The following GPBP1L1 variants were observed in gnomAD, a reference collection of about 807,000 sequenced individuals.
GPBP1L1 encodes vasculin-like protein 1.
In GPBP1L1, 23 loss-of-function variants were observed where a neutral mutation model predicts 52.5. That is an observed-to-expected ratio of 0.44 (90% CI 0.32 to 0.62). The LOEUF is 0.62. Among genes scored for constraint, GPBP1L1 ranks in the 20% least tolerant of loss-of-function variants. GPBP1L1 has a pLI of 0.06. For synonymous variants in GPBP1L1, 243 were observed against 203.1 expected, an observed-to-expected ratio of 1.20 and a Z score of -1.67; for missense variants, 596 against 579.3, an observed-to-expected ratio of 1.03 and a Z score of -0.30.
chr1:45,687,602 A>G (rs1160116081), upstream of GPBP1L1: 1 of 152,294 alleles, frequency 6.6e-6, no homozygotes, highest in Non-Finnish European at 1.5e-5. Context: ...CCAAGGTCAC[A>G]TAGCCGAGAA....
At chr1:45,663,028 G>A (rs1466266895) in intron 2 of GPBP1L1, among the ~76,000 whole-genome samples, 1 of 129,754 alleles carries the variant, frequency 7.7e-6, no homozygotes, top group Non-Finnish European at 1.6e-5. Context: ...TCCAGCCTGG[G>A]TGACAGAGCC....
At position 45,670,299 on chromosome 1, in the gene GPBP1L1, C is replaced by CTT. The variant is rs531749161; in HGVS notation, c.-1097-9076_-1097-9075dup. ...GATACCTATTCTTTTTACCATTCTT[C>CTT]TTTTGGTTGTTGATCTTATTAATGC... On this transcript the variant is annotated intron_variant, in intron 2 of 12. Transcript: ENST00000355105. Among the ~76,000 whole-genome samples, 487 of 152,302 alleles carry CTT rather than the reference C, an allele frequency of 3.2e-3. 4 individuals are homozygous for CTT. The highest frequency in any genetic ancestry group is 0.011 in the African/African-American group (461 of 41,568).
chr1:45,653,006 A>C (rs1644837424), intron 6 of GPBP1L1, among the ~76,000 whole-genome samples: 1 of 152,244 alleles, frequency 6.6e-6, no homozygotes, highest in African/African-American at 2.4e-5. Flanking sequence ...TATCTAGAAC[A>C]TTCTGGACAA....
chr1:45,646,256 T>C, intron 6 of GPBP1L1: 1 of 223,616 alleles, frequency 4.5e-6, no homozygotes, highest in Non-Finnish European at 8.9e-6. Flanking sequence ...CACATTGATG[T>C]TTGTCTGTGA....
At chr1:45,670,126 T>A (rs767163279) in intron 2 of GPBP1L1, among the ~76,000 whole-genome samples, 8 of 152,252 alleles carry the variant, frequency 5.3e-5, no homozygotes, top group Non-Finnish European at 8.8e-5. Flanking sequence ...AGCAGCATTT[T>A]AAGCGTTCCA....
chr1:45,671,060 C>T (rs1188380688), intron 2 of GPBP1L1, among the ~76,000 whole-genome samples: 3 of 152,090 alleles, frequency 2.0e-5, no homozygotes, highest in Non-Finnish European at 4.4e-5. Context: ...TCCCAAAGTG[C>T]TGGGATTACA....
chr1:45,669,927 C>T (rs1330119932), intron 2 of GPBP1L1, among the ~76,000 whole-genome samples: 2 of 152,186 alleles, frequency 1.3e-5, no homozygotes, highest in East Asian at 3.8e-4. Flanking sequence ...CACTAGTTAT[C>T]AATCTATCTT....
At chr1:45,684,015 T>G (rs942702184) in intron 2 of GPBP1L1, among the ~76,000 whole-genome samples, 1 of 151,640 alleles carries the variant, frequency 6.6e-6, no homozygotes, top group East Asian at 1.9e-4. Flanking sequence ...CCCAGCACTT[T>G]GGGAGGCCAA....
chr1:45,634,312 A>T (rs1272964916), intron 8 of GPBP1L1, 76 bp from the exon 9 acceptor site: 3 of 1,416,440 alleles, frequency 2.1e-6, no homozygotes, highest in African/African-American at 1.4e-5. Context: ...CATAAAGCAA[A>T]GAGTGAAATG....
intron 7 of GPBP1L1, among the ~76,000 whole-genome samples, chr1:45,641,017 AAAAACAAAAAC>A (rs1644664806): frequency 6.6e-6 from 1 of 152,124 alleles, no homozygotes; most frequent in Admixed American, 6.5e-5. Flanking sequence ...CCTAACTCAA[AAAAACAAAAAC>A]AAAACAAAAA....
chr1:45,651,241 T>C (rs1187272866), intron 6 of GPBP1L1: 8 of 419,444 alleles, frequency 1.9e-5, no homozygotes, highest in Non-Finnish European at 3.7e-5. Context: ...TGCAGGTCTT[T>C]CTGTGGAGTA....
chr1:45,645,843 T>C (rs1569797917), intron 6 of GPBP1L1: 1 of 501,148 alleles, frequency 2.0e-6, no homozygotes, highest in East Asian at 5.5e-5. Context: ...GGATTTTCCC[T>C]CCTGTGTGTT....
At chr1:45,638,668 G>A (rs928329515) in intron 8 of GPBP1L1, among the ~76,000 whole-genome samples, 3 of 152,080 alleles carry the variant, frequency 2.0e-5, no homozygotes, top group Non-Finnish European at 2.9e-5. Flanking sequence ...GGGTGAGCAC[G>A]GTGGCTCACG....
chr1:45,670,459 G>A (rs1050191232), intron 2 of GPBP1L1, among the ~76,000 whole-genome samples: 2 of 152,152 alleles, frequency 1.3e-5, no homozygotes, highest in African/African-American at 4.8e-5. Context: ...AATCAAAGCT[G>A]CTGGTCATTT....
intron 2 of GPBP1L1, among the ~76,000 whole-genome samples, chr1:45,684,900 AGAT>A (rs1253543218): frequency 6.6e-6 from 1 of 152,254 alleles, no homozygotes; most frequent in Non-Finnish European, 1.5e-5. Context: ...TCCCTAGGAA[AGAT>A]GAGTTTATTT....
intron 2 of GPBP1L1, among the ~76,000 whole-genome samples, chr1:45,676,871 CCT>C (rs756270720): frequency 6.8e-6 from 1 of 147,974 alleles, no homozygotes; most frequent in African/African-American, 2.5e-5. Context: ...ACAGAGAGAC[CCT>C]GTCTCAAAAC....
chr1:45,655,819 G>T (rs1274067040), intron 4 of GPBP1L1: 1 of 153,728 alleles, frequency 6.5e-6, no homozygotes, highest in Non-Finnish European at 1.4e-5. Flanking sequence ...GCCCAGGCTG[G>T]AGTGCAGTGG....
Position 45,634,495 on chromosome 1 carries a change from G to A in GPBP1L1, c.745-259C>T, listed in dbSNP as rs538190024. ...GGGCTCTAGTTCAATAGTTCAATGA[G>A]TTTGGGAGGTGCCGGGGTGAAAAAA... On this transcript the variant is annotated intron_variant, in intron 8 of 12. Coordinates refer to ENST00000355105, the MANE Select transcript of GPBP1L1 (RefSeq NM_021639.5). 7 of 329,056 alleles carry A rather than the reference G, an allele frequency of 2.1e-5. No individual in the cohort carries two copies. The Admixed American group carries it at 3.1e-4, about 15-fold the overall frequency. 20.4% of individuals were successfully genotyped at this position (329,056 alleles called of 1,614,324 possible).
chr1:45,658,382 G>A (rs1010759784), intron 4 of GPBP1L1, among the ~76,000 whole-genome samples: 1 of 152,000 alleles, frequency 6.6e-6, no homozygotes, highest in African/African-American at 2.4e-5. Context: ...TAGCAAGTAC[G>A]TTTAATCTCC....
Sources: gnomAD v4.1 joint callset for allele counts (sites outside exome capture counted in the v4.1 genomes callset) on GRCh38, gnomAD v4.1.1 for gene constraint, MANE v1.5 for transcripts, NCBI Gene and HGNC (gene_info 2026-07-23, HGNC 2026-07-21) for gene names.